Variants in TGM6 observed in about 807,000 individuals in gnomAD.
TGM6 encodes protein-glutamine gamma-glutamyltransferase 6.
In TGM6, 74 loss-of-function variants were observed where a neutral mutation model predicts 77.5. The observed-to-expected ratio is 0.96, with a 90% CI of 0.79 to 1.16. The LOEUF (loss-of-function observed/expected upper bound fraction) is 1.16, where lower values mean the gene tolerates loss of function less well. Ranked by LOEUF, TGM6 falls within the 50% of genes most tolerant of loss-of-function variation. TGM6 has a pLI of 0.00. For missense variants in TGM6, 968 were observed against 940.2 expected, an observed-to-expected ratio of 1.03 and a Z score of -0.39; for synonymous variants, 383 against 378.9, an observed-to-expected ratio of 1.01 and a Z score of -0.12.
chr20:2,405,686 G>T (rs542691835), intron 9 of TGM6, among the ~76,000 whole-genome samples: 1 of 152,276 alleles, frequency 6.6e-6, no homozygotes, highest in East Asian at 1.9e-4. Context: ...CTGATTTCTT[G>T]TGCTATTTGG....
At chr20:2,406,080 C>T (rs2084748567) in intron 9 of TGM6, among the ~76,000 whole-genome samples, 1 of 152,198 alleles carries the variant, frequency 6.6e-6, no homozygotes, top group South Asian at 2.1e-4. Context: ...ACCCCCAACT[C>T]ACACTTTAGC....
At chr20:2,417,196 G>C in intron 9 of TGM6, 36 bp from the exon 10 acceptor site, 1 of 1,552,120 alleles carries the variant, frequency 6.4e-7, no homozygotes, top group African/African-American at 1.4e-5. Flanking sequence ...AGGAGCAAGG[G>C]GGTGCCTGCC....
intron 10 of TGM6, among the ~76,000 whole-genome samples, chr20:2,425,033 T>C (rs2084878761): frequency 6.6e-6 from 1 of 152,118 alleles, no homozygotes; most frequent in Non-Finnish European, 1.5e-5. Context: ...AATAGTAGCC[T>C]CAAAGATCAC....
intron 1 of TGM6, among the ~76,000 whole-genome samples, chr20:2,383,969 T>A (rs903155611): frequency 6.6e-6 from 1 of 151,960 alleles, no homozygotes; most frequent in African/African-American, 2.4e-5. Context: ...TAGCCGGGCA[T>A]GGTGGTGGAC....
At chr20:2,401,135 G>A (rs1253906153) in intron 7 of TGM6, among the ~76,000 whole-genome samples, 2 of 151,888 alleles carry the variant, frequency 1.3e-5, no homozygotes, top group Admixed American at 6.6e-5. Context: ...AACCTGGAAG[G>A]CAGAGGTTGC....
intron 1 of TGM6, 121 bp from the exon 2 acceptor site, chr20:2,394,331 G>C: frequency 8.7e-7 from 1 of 1,146,558 alleles, no homozygotes; most frequent in Non-Finnish European, 1.3e-6. Context: ...AGAATCGCCG[G>C]TATATGATAA....
intron 9 of TGM6, among the ~76,000 whole-genome samples, chr20:2,409,032 C>G (rs544938641): frequency 2.6e-5 from 4 of 152,236 alleles, no homozygotes; most frequent in South Asian, 2.1e-4. Context: ...TATACACATT[C>G]TTGGAAAGTA....
intron 11 of TGM6, 41 bp from the exon 12 acceptor site, chr20:2,430,853 G>GA: frequency 6.2e-7 from 1 of 1,614,110 alleles, no homozygotes; most frequent in Non-Finnish European, 8.5e-7. Flanking sequence ...CTGGAGGGAG[G>GA]AGGGGTAGGC....
intron 7 of TGM6, among the ~76,000 whole-genome samples, chr20:2,400,742 T>C (rs147051293): frequency 2.2e-4 from 18 of 80,766 alleles, no homozygotes; most frequent in Middle Eastern, 5.1e-3. Flanking sequence ...TGGGGTGGGG[T>C]GGGAACTCCT....
rs2084732987 is a variant in TGM6, at chr20:2,403,971, C to G, written c.1336+148C>G. 5 of 1,327,906 alleles carry G rather than the reference C, an allele frequency of 3.8e-6. No homozygotes were observed. The South Asian group carries it at 5.0e-5, about 13-fold the overall frequency. 82.3% of individuals were successfully genotyped at this position (1,327,906 alleles called of 1,614,324 possible). On this transcript the variant is annotated intron_variant, in intron 9 of 12. Transcript: ENST00000202625. Reference sequence around the variant, plus strand: ...ATTCACGTTGTCTCTGTGCTCTGAGCCAAGTGCCTTTATTTAGGCTACATT... The same window carrying G: ...ATTCACGTTGTCTCTGTGCTCTGAGGCAAGTGCCTTTATTTAGGCTACATT...
chr20:2,382,298 C>A (rs546343961), intron 1 of TGM6, among the ~76,000 whole-genome samples: 2 of 152,310 alleles, frequency 1.3e-5, no homozygotes, highest in African/African-American at 4.8e-5. Context: ...CACCAGCTCA[C>A]AGCCCAGACT....
chr20:2,396,904 G>T (rs911495176), intron 4 of TGM6, among the ~76,000 whole-genome samples: 54 of 152,146 alleles, frequency 3.5e-4, no homozygotes, highest in African/African-American at 1.3e-3. Flanking sequence ...AAACACGAGC[G>T]TACATCAGAA....
chr20:2,394,829 G>C (rs1290672230), intron 2 of TGM6, among the ~76,000 whole-genome samples: 1 of 152,162 alleles, frequency 6.6e-6, no homozygotes, highest in African/African-American at 2.4e-5. Flanking sequence ...CAGTGGGATG[G>C]ATGGGATGAC....
intron 1 of TGM6, among the ~76,000 whole-genome samples, chr20:2,385,388 T>C (rs1201944240): frequency 2.6e-5 from 4 of 151,704 alleles, no homozygotes; most frequent in African/African-American, 4.8e-5. Context: ...GTGGGGGTTG[T>C]CTTGTAGGGA....
chr20:2,393,877 A>T (rs6048613), intron 1 of TGM6, among the ~76,000 whole-genome samples: 1,970 of 152,314 alleles, frequency 0.013, 41 homozygotes, highest in African/African-American at 0.045. Flanking sequence ...TTATATACTG[A>T]TCAACTGATG....
intron 3 of TGM6, among the ~76,000 whole-genome samples, chr20:2,395,932 G>A (rs2084662332): frequency 6.6e-6 from 1 of 152,172 alleles, no homozygotes; most frequent in Non-Finnish European, 1.5e-5. Context: ...TGTAACCCCA[G>A]CACTTTGGGA....
intron 10 of TGM6, among the ~76,000 whole-genome samples, chr20:2,423,922 A>C (rs2084872030): frequency 6.6e-6 from 1 of 152,250 alleles, no homozygotes; most frequent in Non-Finnish European, 1.5e-5. Context: ...TTCTTGAGTG[A>C]CTAGGTGCAT....
intron 1 of TGM6, among the ~76,000 whole-genome samples, chr20:2,384,172 C>T (rs2084577163): frequency 6.6e-6 from 1 of 151,610 alleles, no homozygotes; most frequent in South Asian, 2.1e-4. Flanking sequence ...CACCAGGCTA[C>T]GTACCTGATG....
chr20:2,381,112 C>G, intron 1 of TGM6, 137 bp downstream of exon 1: 13 of 1,307,332 alleles, frequency 9.9e-6, no homozygotes, highest in Non-Finnish European at 1.4e-5. Context: ...AACACATGAA[C>G]TCTTCGTGTG....
Sources: allele counts gnomAD v4.1 joint callset (sites outside exome capture counted in the v4.1 genomes callset), GRCh38; gene constraint gnomAD v4.1.1; transcripts MANE v1.5; gene names NCBI Gene and HGNC (gene_info 2026-07-23, HGNC 2026-07-21).